TAFA1: variants seen among roughly 807,000 people sequenced by gnomAD.
TAFA1 encodes the protein TAFA chemokine like family member 1.
Under a neutral mutation model 18.5 loss-of-function variants are expected in TAFA1, and 4 were observed. The observed-to-expected ratio is 0.22, with a 90% confidence interval of 0.11 to 0.49. TAFA1 has a LOEUF of 0.49. Among genes scored for constraint, TAFA1 ranks in the 20% least tolerant of loss-of-function variants. The probability of loss-of-function intolerance (pLI) is 0.98; values close to 1 mark genes in which losing one functional copy is unlikely to be tolerated. For synonymous variants in TAFA1, 56 were observed against 55.2 expected (o/e 1.01, Z -0.06); for missense variants, 147 against 169.0 (o/e 0.87, Z 0.72).
At chr3:68,176,581 G>A (rs1391845993) in intron 2 of TAFA1, among the ~76,000 whole-genome samples, 1 of 152,072 alleles carries the variant, frequency 6.6e-6, no homozygotes, top group Admixed American at 6.6e-5. Context: ...TCCCATAGTG[G>A]GAAGTGCTAT....
intron 2 of TAFA1, among the ~76,000 whole-genome samples, chr3:68,080,949 C>G (rs1181408680): frequency 6.6e-6 from 1 of 152,090 alleles, no homozygotes; most frequent in African/African-American, 2.4e-5. Context: ...TTCAGGTACA[C>G]CAATCAGACG....
intron 2 of TAFA1, among the ~76,000 whole-genome samples, chr3:68,309,362 A>G (rs1419151799): frequency 6.6e-6 from 1 of 152,204 alleles, no homozygotes; most frequent in African/African-American, 2.4e-5. Context: ...AGCTATAATA[A>G]TTATTGTCAC....
At position 68,021,177 on chromosome 3, in the gene TAFA1, C is replaced by T. The variant is rs536798331; in HGVS notation, c.118+14433C>T. Reference sequence around the variant, plus strand: ...CTCCAGCCTAGTCAACAGAACAAGACCCTGTCTCAAAAAAAAAAAAAAAAA... The same window carrying T: ...CTCCAGCCTAGTCAACAGAACAAGATCCTGTCTCAAAAAAAAAAAAAAAAA... On this transcript the variant is annotated intron_variant, in intron 2 of 4. Coordinates refer to ENST00000478136, the MANE Select transcript of TAFA1 (RefSeq NM_213609.4). Among the ~76,000 whole-genome samples the T allele has an allele frequency of 6.4e-5, 6 of 93,344 alleles. No individual in the cohort carries two copies. In the South Asian group the frequency reaches 1.8e-3, roughly 28 times the overall value. The allele number at this position is 93,344 out of a possible 152,430, so 61.2% of individuals were successfully genotyped here.
chr3:68,076,650 T>A (rs1467068265), intron 2 of TAFA1, among the ~76,000 whole-genome samples: 6 of 151,660 alleles, frequency 4.0e-5, no homozygotes, highest in Non-Finnish European at 7.3e-5. Flanking sequence ...TCATTTTTTA[T>A]GGCTGTATAG....
chr3:68,262,349 A>ATATATATATATATATATATATATT (rs2067450632), intron 2 of TAFA1, among the ~76,000 whole-genome samples: 1 of 78,730 alleles, frequency 1.3e-5, no homozygotes, highest in African/African-American at 4.7e-5. Flanking sequence ...ATATATATAT[A>ATATATATATATATATATATATATT]TATATATATT....
intron 3 of TAFA1, among the ~76,000 whole-genome samples, chr3:68,524,302 C>T (rs1316302501): frequency 6.6e-6 from 1 of 152,068 alleles, no homozygotes; most frequent in Non-Finnish European, 1.5e-5. Context: ...CTTCAAATCT[C>T]TTCTTGTCTC....
intron 2 of TAFA1, chr3:68,145,364 G>T (rs2065726072): frequency 1.2e-6 from 1 of 816,052 alleles, no homozygotes; most frequent in South Asian, 1.3e-5. Flanking sequence ...CTTTGCCCTG[G>T]TCTCTCAAGC....
chr3:68,237,180 A>T (rs2066937555), intron 2 of TAFA1, among the ~76,000 whole-genome samples: 1 of 152,228 alleles, frequency 6.6e-6, no homozygotes, highest in African/African-American at 2.4e-5. Flanking sequence ...GCTCTGGCAG[A>T]TTCAGTGTCT....
chr3:68,068,518 T>C (rs1335136365), intron 2 of TAFA1, among the ~76,000 whole-genome samples: 1 of 152,220 alleles, frequency 6.6e-6, no homozygotes, highest in African/African-American at 2.4e-5. Context: ...CTTGGGGTCA[T>C]ATTACTTAAG....
rs750630793 is a variant in TAFA1 at position 68,319,384 on chromosome 3, A to G, written c.119-97896A>G. ...AGGGACATTTGACAATAGCAGAGAC[A>G]TGGTTGTCATGACTGATGCTTGGTT... is the stretch of plus-strand genomic sequence containing the variant. On this transcript the variant is annotated intron_variant, in intron 2 of 4. Coordinates refer to ENST00000478136, the MANE Select transcript of TAFA1 (RefSeq NM_213609.4). 3.3e-5 allele frequency among the ~76,000 whole-genome samples: 5 copies of G among 152,150 alleles called. No homozygotes were observed. In the East Asian group the frequency reaches 9.6e-4, roughly 29 times the overall value.
intron 2 of TAFA1, among the ~76,000 whole-genome samples, chr3:68,179,224 T>C (rs2066165919): frequency 6.6e-6 from 1 of 152,238 alleles, no homozygotes; most frequent in African/African-American, 2.4e-5. Context: ...ACCCTACTTT[T>C]GGCATTTTTA....
At chr3:68,056,998 C>T (rs554532625) in intron 2 of TAFA1, among the ~76,000 whole-genome samples, 3 of 152,184 alleles carry the variant, frequency 2.0e-5, no homozygotes, top group African/African-American at 7.2e-5. Flanking sequence ...TGACTGGTCA[C>T]GACTTATTAC....
chr3:68,215,044 A>G (rs1279227476), intron 2 of TAFA1, among the ~76,000 whole-genome samples: 1 of 152,068 alleles, frequency 6.6e-6, no homozygotes, highest in African/African-American at 2.4e-5. Flanking sequence ...AAAGCTCCAT[A>G]AAACTACTTT....
intron 2 of TAFA1, among the ~76,000 whole-genome samples, chr3:68,163,513 G>C (rs1488230136): frequency 6.6e-6 from 1 of 152,124 alleles, no homozygotes; most frequent in African/African-American, 2.4e-5. Flanking sequence ...TTCAACCTTC[G>C]ATTTCATTGA....
chr3:68,139,130 T>C (rs1463701209), intron 2 of TAFA1, among the ~76,000 whole-genome samples: 1 of 152,204 alleles, frequency 6.6e-6, no homozygotes, highest in African/African-American at 2.4e-5. Flanking sequence ...GAAAATTCCA[T>C]TAGGAAATGA....
chr3:68,129,139 G>T (rs902577572), intron 2 of TAFA1, among the ~76,000 whole-genome samples: 8 of 152,306 alleles, frequency 5.3e-5, no homozygotes, highest in African/African-American at 1.7e-4. Context: ...GAGGGGGTTT[G>T]TTGTCTTCTG....
At chr3:68,133,011 T>C (rs571246512) in intron 2 of TAFA1, among the ~76,000 whole-genome samples, 1 of 152,332 alleles carries the variant, frequency 6.6e-6, no homozygotes, top group Admixed American at 6.5e-5. Flanking sequence ...GTCTCATGTG[T>C]AAGCCTTTAA....
At chr3:68,442,855 A>T (rs2071408892) in intron 3 of TAFA1, among the ~76,000 whole-genome samples, 1 of 152,186 alleles carries the variant, frequency 6.6e-6, no homozygotes, top group South Asian at 2.1e-4. Flanking sequence ...CAGATAGCTG[A>T]TAAGGATTGA....
In TAFA1 at chr3:68,029,347, A is replaced by G. The variant is rs571800371; in HGVS notation, c.118+22603A>G. Among the ~76,000 whole-genome samples, 3 of 152,250 alleles carry G rather than the reference A, an allele frequency of 2.0e-5. No homozygotes were observed. In the East Asian group the frequency reaches 5.8e-4, roughly 29 times the overall value. On this transcript the variant is annotated intron_variant, in intron 2 of 4. Coordinates refer to ENST00000478136, the MANE Select transcript of TAFA1 (RefSeq NM_213609.4). ...AGTCTTTGAAATCTGGTGTGTGTTT[A>G]ACACTGACAGCACATCTCAATTCAG...
Sources: gnomAD v4.1 joint callset for allele counts (sites outside exome capture counted in the v4.1 genomes callset) on GRCh38, gnomAD v4.1.1 for gene constraint, MANE v1.5 for transcripts, NCBI Gene and HGNC (gene_info 2026-07-23, HGNC 2026-07-21) for gene names.